The following ARHGAP21 variants were observed in gnomAD, a reference collection of about 807,000 sequenced individuals.
ARHGAP21 encodes the protein rho GTPase-activating protein 21.
ARHGAP21 carries 38 observed loss-of-function variants against 164.6 expected under a neutral mutation model. That is an observed-to-expected ratio of 0.23 (90% CI 0.18 to 0.30). The LOEUF is 0.30. Among genes scored for constraint, ARHGAP21 ranks in the 10% least tolerant of loss-of-function variants. The pLI, the probability that ARHGAP21 is intolerant of heterozygous loss-of-function variation, is 1.00. For synonymous variants in ARHGAP21, 766 were observed against 857.9 expected (o/e 0.89, Z 1.87); for missense variants, 1,822 against 2,370.7 (o/e 0.77, Z 4.81).
chr10:24,691,771 A>G (rs1842781275), intron 2 of ARHGAP21, among the ~76,000 whole-genome samples: 1 of 152,222 alleles, frequency 6.6e-6, no homozygotes, highest in Non-Finnish European at 1.5e-5. Context: ...TACAGAAATG[A>G]CCAAATAATG....
intron 2 of ARHGAP21, among the ~76,000 whole-genome samples, chr10:24,719,405 C>T (rs1406610350): frequency 2.0e-5 from 3 of 152,126 alleles, no homozygotes; most frequent in Non-Finnish European, 4.4e-5. Flanking sequence ...AACAAGAAAT[C>T]TCTGATTGTT....
intron 25 of ARHGAP21, among the ~76,000 whole-genome samples, chr10:24,588,966 G>C (rs2076220036): frequency 1.3e-5 from 2 of 152,050 alleles, no homozygotes; most frequent in Non-Finnish European, 2.9e-5. Flanking sequence ...GGTGCAGGGA[G>C]GCTTCTCATT....
intron 16 of ARHGAP21, among the ~76,000 whole-genome samples, chr10:24,597,244 C>T (rs143554811): frequency 9.9e-5 from 15 of 152,026 alleles, no homozygotes; most frequent in African/African-American, 2.9e-4. Flanking sequence ...TTGTATTTTC[C>T]CTCACTTTCG....
rs776608688 is a variant in ARHGAP21 at position 24,591,661 on chromosome 10, T to C, written c.4025A>G (p.Glu1342Gly). 4 of 1,613,972 alleles carry C rather than the reference T, an allele frequency of 2.5e-6. No individual in the cohort carries two copies. Among genetic ancestry groups the C allele is most frequent in the Non-Finnish European group, 3.4e-6 (4 of 1,179,974 alleles). The part of the protein sequence containing the change: ...IQHHDWFFTE[E>G]GAEEPLTTVQ... ...ACTTACAAGAGGCTCTTCAGCACCT[T>C]CTTCTGTGAAAAACCAGTCATGCTA... is the stretch of plus-strand genomic sequence containing the variant. The change falls in exon 23 of 26, where the codon GAA becomes GGA. Residue 1342 changes from glutamate (E) to glycine (G), a missense_variant. Glu to Gly is a moderately conservative substitution (Grantham distance 98). Around this residue, in one of 5 missense-constraint regions of ARHGAP21, gnomAD observed 333 missense variants for 383.9 expected, o/e 0.87. Coordinates refer to ENST00000396432, the MANE Select transcript of ARHGAP21 (RefSeq NM_020824.4).
rs1212585320 is a variant in ARHGAP21, at chr10:24,657,303, G to C, written c.268+9682C>G. On this transcript the variant is annotated intron_variant, in intron 4 of 25. Coordinates refer to ENST00000396432, the MANE Select transcript of ARHGAP21 (RefSeq NM_020824.4). The stretch of plus-strand genomic sequence containing the variant: ...CCCGTCCGGGAGGGAGGTGGGGGGG[G>C]GGTCAGCCCCCTCGCCCGGCCAGCC... Among the ~76,000 whole-genome samples the C allele has an allele frequency of 4.3e-5, 2 of 46,626 alleles. 1 individual carries two copies. Among genetic ancestry groups the C allele is most frequent in the Non-Finnish European group, 8.3e-5 (2 of 24,062 alleles). 30.6% of individuals were successfully genotyped at this position (46,626 alleles called of 152,430 possible).
intron 25 of ARHGAP21, 73 bp downstream of exon 25, chr10:24,589,198 G>C (rs2076231516): frequency 7.7e-7 from 1 of 1,302,212 alleles, no homozygotes; most frequent in African/African-American, 1.5e-5. Context: ...GAATGCATTT[G>C]TGTATCAACC....
chr10:24,628,870 C>CATATAT (rs556544278), intron 7 of ARHGAP21: 2 of 107,134 alleles, frequency 1.9e-5, no homozygotes, highest in Non-Finnish European at 3.7e-5. Context: ...CACATATATA[C>CATATAT]ATACATATAT....
chr10:24,673,478 G>A (rs191498319), intron 2 of ARHGAP21, among the ~76,000 whole-genome samples: 15 of 152,220 alleles, frequency 9.9e-5, no homozygotes, highest in African/African-American at 3.4e-4. Flanking sequence ...AACACAAATC[G>A]CCCTGGAACA....
Position 24,619,513 on chromosome 10 carries a change from G to T in ARHGAP21, c.2382C>A (p.Thr794=). The T allele has an allele frequency of 6.2e-7, 1 of 1,614,070 alleles. No individual in the cohort carries two copies. Among genetic ancestry groups the T allele is most frequent in the Non-Finnish European group, 8.5e-7 (1 of 1,180,020 alleles). The part of the protein sequence containing the change: ...KRMEERKASS[T]SPPGDSLASI... The stretch of plus-strand genomic sequence containing the variant: ...AAGCCAAAGAATCGCCAGGCGGACT[G>T]GTACTCGAGGCTTTTCTTTCCTCCA... The change falls in exon 9 of 26, where the codon ACC becomes ACA. Residue 794 remains threonine (T), a synonymous_variant. Transcript: ENST00000396432.
At chr10:24,683,187 T>C (rs1841936649) in intron 2 of ARHGAP21, among the ~76,000 whole-genome samples, 1 of 151,984 alleles carries the variant, frequency 6.6e-6, no homozygotes, top group Non-Finnish European at 1.5e-5. Context: ...TAGTTGATAA[T>C]ACTTCCAATT....
At chr10:24,677,333 T>C (rs1841353771) in intron 2 of ARHGAP21, among the ~76,000 whole-genome samples, 1 of 152,156 alleles carries the variant, frequency 6.6e-6, no homozygotes, top group African/African-American at 2.4e-5. Context: ...TTTAACATAC[T>C]TGCATGTAAA....
At chr10:24,660,865 G>A (rs962604514) in intron 4 of ARHGAP21, among the ~76,000 whole-genome samples, 7 of 151,982 alleles carry the variant, frequency 4.6e-5, no homozygotes, top group African/African-American at 9.7e-5. Context: ...CATATGTAGC[G>A]GAAGAGCTCT....
At position 24,721,889 on chromosome 10, in the gene ARHGAP21, G is replaced by A. The variant is rs756443617; in HGVS notation, c.11C>T (p.Thr4Met). 27 of 1,614,102 alleles carry A rather than the reference G, an allele frequency of 1.7e-5. 1 individual carries two copies. The Admixed American group carries it at 2.7e-4, about 16-fold the overall frequency. MMA[T>M]RRTGLSEGDG... ...TCCCTCAGACAGACCAGTCCGACGC[G>A]TGGCCATCATTTCATTTCAAATGAC... The change falls in exon 2 of 26, where the codon ACG (threonine) becomes ATG (methionine). Residue 4 changes from threonine (T) to methionine (M), a missense_variant. Around this residue, in one of 5 missense-constraint regions of ARHGAP21, gnomAD observed 1,090 missense variants for 1,378.9 expected, o/e 0.79. Transcript: ENST00000396432.
intron 3 of ARHGAP21, among the ~76,000 whole-genome samples, chr10:24,668,261 G>A (rs1840381829): frequency 6.6e-6 from 1 of 152,140 alleles, no homozygotes; most frequent in South Asian, 2.1e-4. Context: ...AAGTTGTTTT[G>A]GTGTAACATT....
At chr10:24,691,806 G>A (rs1842783962) in intron 2 of ARHGAP21, among the ~76,000 whole-genome samples, 1 of 152,146 alleles carries the variant, frequency 6.6e-6, no homozygotes, top group African/African-American at 2.4e-5. Context: ...TAATACCAGA[G>A]AAGGTTGAAC....
intron 1 of ARHGAP21, among the ~76,000 whole-genome samples, chr10:24,722,979 C>T (rs917912637): frequency 9.2e-5 from 14 of 152,150 alleles, no homozygotes; most frequent in African/African-American, 3.4e-4. Context: ...TTCCCTTCCC[C>T]TGTGGCCACC....
At chr10:24,607,003 T>C (rs888391583) in intron 11 of ARHGAP21, among the ~76,000 whole-genome samples, 1 of 152,228 alleles carries the variant, frequency 6.6e-6, no homozygotes, top group Admixed American at 6.5e-5. Context: ...TGTCTATTAA[T>C]ATAGAGTATT....
intron 11 of ARHGAP21, among the ~76,000 whole-genome samples, chr10:24,606,607 T>C (rs1355934763): frequency 6.6e-6 from 1 of 152,132 alleles, no homozygotes; most frequent in Non-Finnish European, 1.5e-5. Flanking sequence ...AAATTAAAAA[T>C]ATGGCAGGCC....
chr10:24,696,479 G>A (rs1287070962), intron 2 of ARHGAP21, among the ~76,000 whole-genome samples: 5 of 152,240 alleles, frequency 3.3e-5, no homozygotes, highest in Non-Finnish European at 7.3e-5. Context: ...TTCAGGGGCA[G>A]TAGGTAAAGT....
Sources: allele counts gnomAD v4.1 joint callset (sites outside exome capture counted in the v4.1 genomes callset), GRCh38; gene constraint gnomAD v4.1.1; regional missense constraint gnomAD v4.1.1; transcripts MANE v1.5; gene names NCBI Gene and HGNC (gene_info 2026-07-23, HGNC 2026-07-21).